TEC: variants seen among roughly 807,000 people sequenced by gnomAD.
TEC encodes the protein tec protein tyrosine kinase.
TEC carries 72 observed loss-of-function variants against 93.0 expected under a neutral mutation model. The observed-to-expected ratio is 0.77, with a 90% confidence interval of 0.64 to 0.94. The LOEUF (loss-of-function observed/expected upper bound fraction) is 0.94. Ranked by LOEUF, TEC falls within the 40% of genes least tolerant of loss-of-function variation. The pLI, the probability that TEC is intolerant of heterozygous loss-of-function variation, is 0.00. For synonymous variants in TEC, 249 were observed against 247.7 expected (o/e 1.01, Z -0.05); for missense variants, 630 against 757.9 (o/e 0.83, Z 1.98).
intron 2 of TEC, among the ~76,000 whole-genome samples, chr4:48,184,767 A>AT (rs201738861): frequency 0.028 from 3,706 of 132,202 alleles, 146 homozygotes; most frequent in African/African-American, 0.093. Flanking sequence ...CAGACAAAAA[A>AT]AATACACACA....
At chr4:48,168,068 CT>C in intron 6 of TEC, 115 bp from the exon 7 acceptor site, 1 of 881,014 alleles carries the variant, frequency 1.1e-6, no homozygotes, top group South Asian at 1.7e-5. Flanking sequence ...TTCAAGTCTA[CT>C]TACTATAATC....
At chr4:48,266,769 C>T (rs945690116) in intron 1 of TEC, among the ~76,000 whole-genome samples, 1 of 150,492 alleles carries the variant, frequency 6.6e-6, no homozygotes, top group African/African-American at 2.5e-5. Context: ...ACCCGGGAGG[C>T]AGAGGTTGTG....
chr4:48,184,074 C>G (rs1560396250), intron 2 of TEC, among the ~76,000 whole-genome samples: 1 of 152,152 alleles, frequency 6.6e-6, no homozygotes, highest in Non-Finnish European at 1.5e-5. Context: ...CCATAGCTAA[C>G]AATTATAGAA....
In TEC at chr4:48,170,425, C is replaced by T. The variant is rs761396645; in HGVS notation, c.326-49G>A. On this transcript the variant is annotated intron_variant, in intron 4 of 17. Transcript: ENST00000381501. ...TAATAGTGAAATACAAAAGCAACTA[C>T]AGAATGTTTCATAAATAACAGTGTC... 1.2e-5 allele frequency: 15 copies of T among 1,205,382 alleles called. No individual in the cohort carries two copies. The Middle Eastern group carries it at 1.1e-3, about 91-fold the overall frequency. The allele number at this position is 1,205,382 out of a possible 1,614,324, so 74.7% of individuals were successfully genotyped here. A position where few individuals can be genotyped will look rare whatever the true frequency, so the allele number is the denominator to read the frequency against.
rs1233928371 is a variant in TEC, at chr4:48,210,432, C to T, written c.138+18045G>A. Among the ~76,000 whole-genome samples, 11 of 151,898 alleles carry T rather than the reference C, an allele frequency of 7.2e-5. No individual in the cohort carries two copies. In the East Asian group the frequency reaches 2.1e-3, roughly 29 times the overall value. On this transcript the variant is annotated intron_variant, in intron 2 of 17. Transcript: ENST00000381501. ...CCCAGGAGTTTGAGGCTGCAGTGAGCTATGACCACACCACTGCACTCCAGT... is the reference window on the plus strand; with the variant it reads ...CCCAGGAGTTTGAGGCTGCAGTGAGTTATGACCACACCACTGCACTCCAGT...
intron 3 of TEC, among the ~76,000 whole-genome samples, chr4:48,172,019 C>A (rs1012454561): frequency 6.6e-6 from 1 of 152,234 alleles, no homozygotes; most frequent in African/African-American, 2.4e-5. Flanking sequence ...ATGCACCATG[C>A]ACTGCAGATG....
chr4:48,184,503 T>C (rs1407966366), intron 2 of TEC, among the ~76,000 whole-genome samples: 1 of 152,218 alleles, frequency 6.6e-6, no homozygotes, highest in African/African-American at 2.4e-5. Context: ...AGTAGTTCTC[T>C]TGCCATCCAC....
chr4:48,247,160 T>C (rs1466923833), intron 1 of TEC, among the ~76,000 whole-genome samples: 2 of 152,170 alleles, frequency 1.3e-5, no homozygotes, highest in Non-Finnish European at 2.9e-5. Context: ...CATTAGTCAC[T>C]ATGGAAATGC....
At chr4:48,238,175 T>C (rs1322987920) in intron 1 of TEC, among the ~76,000 whole-genome samples, 1 of 152,192 alleles carries the variant, frequency 6.6e-6, no homozygotes, top group Non-Finnish European at 1.5e-5. Context: ...ACGTCATGAA[T>C]TGGAGCTATT....
Position 48,171,435 on chromosome 4 carries a change from A to G in TEC, c.258T>C (p.Ala86=). The G allele has an allele frequency of 6.2e-7, 1 of 1,613,568 alleles. No homozygotes were observed. The highest frequency in any genetic ancestry group is 2.2e-5 in the East Asian group (1 of 44,836). ...NKYPFQVVHD[A]NTLYIFAPSP... is the part of the protein sequence containing the mutation. ...TAGGTGCAAAAATGTAAAGTGTGTT[A>G]GCATCATGAACAACCTAAAATAAAA... The change falls in exon 4 of 18, where the codon GCT becomes GCC. Residue 86 remains alanine (A), a synonymous_variant. Coordinates refer to ENST00000381501, the MANE Select transcript of TEC (RefSeq NM_003215.3).
chr4:48,219,138 T>C (rs1467056764), intron 2 of TEC, among the ~76,000 whole-genome samples: 7 of 152,214 alleles, frequency 4.6e-5, no homozygotes, highest in South Asian at 2.1e-4. Flanking sequence ...CTTTGTTGCA[T>C]TACTAATATA....
rs1184332073 is a variant in TEC, at chr4:48,149,606, A to G, written c.957T>C (p.Ala319=). Residue 319 remains alanine, a synonymous_variant, in exon 11 of 18, where the codon GCT becomes GCC. Coordinates refer to ENST00000381501, the MANE Select transcript of TEC (RefSeq NM_003215.3). ...PKKYYLAEKH[A]FGSIPEIIEY... is the part of the protein sequence containing the mutation. ...CAATAATCTCAGGAATGGAGCCAAAAGCATGTTTTTCAGCTAGGTAATACT... is the reference window on the plus strand; with the variant it reads ...CAATAATCTCAGGAATGGAGCCAAAGGCATGTTTTTCAGCTAGGTAATACT... 6.2e-7 allele frequency: 1 copy of G among 1,612,360 alleles called. No homozygotes were observed. The highest frequency in any genetic ancestry group is 1.3e-5 in the African/African-American group (1 of 74,832).
At chr4:48,202,718 T>A (rs1722573044) in intron 2 of TEC, among the ~76,000 whole-genome samples, 1 of 152,174 alleles carries the variant, frequency 6.6e-6, no homozygotes, top group Non-Finnish European at 1.5e-5. Flanking sequence ...AGGTAGTAAC[T>A]ATTTATTGTC....
In TEC at chr4:48,137,243, G is replaced by C. The variant is rs1189811536; in HGVS notation, c.*173C>G. The C allele has an allele frequency of 1.7e-6, 1 of 592,828 alleles. No homozygotes were observed. Among genetic ancestry groups the C allele is most frequent in the African/African-American group, 1.9e-5 (1 of 53,092 alleles). 36.7% of individuals were successfully genotyped at this position (592,828 alleles called of 1,614,324 possible). ...AAGGCAACATTTCCACACTCTGGGAGATTCTGTCTAGAAGCAAGTCTAGAC... is the reference window on the plus strand; with the variant it reads ...AAGGCAACATTTCCACACTCTGGGACATTCTGTCTAGAAGCAAGTCTAGAC... On this transcript the variant is annotated 3_prime_UTR_variant, in exon 18 of 18. Transcript: ENST00000381501.
At chr4:48,258,145 G>GTTTTTT (rs56341256) in intron 1 of TEC, among the ~76,000 whole-genome samples, 1 of 139,932 alleles carries the variant, frequency 7.1e-6, no homozygotes, top group Non-Finnish European at 1.5e-5. Context: ...TGTTTTTTTG[G>GTTTTTT]TTTTTTTTTT....
chr4:48,215,617 C>T (rs1227587636), intron 2 of TEC, among the ~76,000 whole-genome samples: 1 of 152,198 alleles, frequency 6.6e-6, no homozygotes, highest in East Asian at 1.9e-4. Context: ...GGCTAACCTA[C>T]AATGTTCAGT....
chr4:48,191,217 G>A (rs976568233), intron 2 of TEC, among the ~76,000 whole-genome samples: 14 of 152,284 alleles, frequency 9.2e-5, no homozygotes, highest in African/African-American at 3.4e-4. Flanking sequence ...CAGGCACATA[G>A]CATAATTTAT....
At chr4:48,234,475 T>C (rs1723726612) in intron 1 of TEC, among the ~76,000 whole-genome samples, 1 of 152,120 alleles carries the variant, frequency 6.6e-6, no homozygotes, top group African/African-American at 2.4e-5. Flanking sequence ...CCAGTCCGGA[T>C]TGGATCAAGT....
At chr4:48,266,885 A>T (rs963831853) in intron 1 of TEC, among the ~76,000 whole-genome samples, 2 of 152,052 alleles carry the variant, frequency 1.3e-5, no homozygotes, top group Non-Finnish European at 2.9e-5. Context: ...TTAGCTGTGA[A>T]TTTTGATCTA....
Sources: allele counts gnomAD v4.1 joint callset (sites outside exome capture counted in the v4.1 genomes callset), GRCh38; gene constraint gnomAD v4.1.1; transcripts MANE v1.5; gene names NCBI Gene and HGNC (gene_info 2026-07-23, HGNC 2026-07-21).